NLGN4X: variants seen among roughly 807,000 people sequenced by gnomAD.
NLGN4X encodes neuroligin 4 X-linked, also known as neuroligin-4, X-linked.
A neutral mutation model predicts 40.3 loss-of-function variants in NLGN4X; 3 were observed. That is an observed-to-expected ratio of 0.07 (90% CI 0.03 to 0.19). NLGN4X has a LOEUF of 0.19. Among genes scored for constraint, NLGN4X ranks in the 10% least tolerant of loss-of-function variants. The probability of loss-of-function intolerance (pLI) is 1.00; values close to 1 mark genes in which losing one functional copy is unlikely to be tolerated. For synonymous variants in NLGN4X, 270 were observed against 306.8 expected (o/e 0.88, Z 1.25); for missense variants, 382 against 708.3 (o/e 0.54, Z 5.23).
At chrX:6,073,680 T>C (rs1466255852) in intron 2 of NLGN4X, among the ~76,000 whole-genome samples, 2 of 111,067 alleles carry the variant, frequency 1.8e-5, no homozygotes, top group Non-Finnish European at 3.8e-5. Flanking sequence ...TTAGATCATA[T>C]ATAAGATACT....
chrX:6,012,073 G>A (rs762516905), intron 3 of NLGN4X, among the ~76,000 whole-genome samples: 1 of 112,354 alleles, frequency 8.9e-6, no homozygotes, highest in South Asian at 3.7e-4. Flanking sequence ...CATGGCACAT[G>A]CCCAAATTGC....
chrX:5,988,802 C>T (rs1046837997), intron 3 of NLGN4X, among the ~76,000 whole-genome samples: 3 of 112,251 alleles, frequency 2.7e-5, no homozygotes, highest in African/African-American at 9.7e-5. Flanking sequence ...CATTGGCTCC[C>T]GCCTGTAATC....
At chrX:5,994,913 T>C (rs1245361513) in intron 3 of NLGN4X, among the ~76,000 whole-genome samples, 1 of 112,780 alleles carries the variant, frequency 8.9e-6, no homozygotes. Context: ...TGAAGGTGTA[T>C]TTACTTACAC....
chrX:6,209,900 G>C (rs1213651173), intron 1 of NLGN4X, among the ~76,000 whole-genome samples: 1 of 112,200 alleles, frequency 8.9e-6, no homozygotes, highest in Non-Finnish European at 1.9e-5. Context: ...ACCCAGGCTG[G>C]AGTGCAGTGG....
At position 5,902,678 on chromosome X, in the gene NLGN4X, T is replaced by TG. The variant is rs775136246; in HGVS notation, c.1601+398dup. Among the ~76,000 whole-genome samples the TG allele has an allele frequency of 4.5e-5, 5 of 111,900 alleles. No individual in the cohort carries two copies. In the South Asian group the frequency reaches 1.5e-3, roughly 34 times the overall value. ...CTGCACTCCAGTGTGGGCAACAGAG[T>TG]GAGACTGTGTCTCTAAAACAACAAG... On this transcript the variant is annotated intron_variant, in intron 5 of 5. Transcript: ENST00000381095.
chrX:6,222,259 T>C (rs919595173), intron 1 of NLGN4X, among the ~76,000 whole-genome samples: 4 of 111,043 alleles, frequency 3.6e-5, no homozygotes, highest in Non-Finnish European at 5.7e-5. Context: ...TGCCCACAGA[T>C]GTTAATAAAA....
intron 2 of NLGN4X, among the ~76,000 whole-genome samples, chrX:6,127,707 T>C (rs1450134587): frequency 8.9e-6 from 1 of 112,550 alleles, no homozygotes; most frequent in Non-Finnish European, 1.9e-5. Flanking sequence ...ATTTCATATA[T>C]AAAAATAAAC....
intron 1 of NLGN4X, among the ~76,000 whole-genome samples, chrX:6,156,919 AT>A (rs1411972680): frequency 9.0e-6 from 1 of 111,234 alleles, no homozygotes; most frequent in African/African-American, 3.3e-5. Flanking sequence ...GTAAAAAAAA[AT>A]GTTATTGGTA....
chrX:6,213,124 C>T (rs1231395803), intron 1 of NLGN4X, among the ~76,000 whole-genome samples: 3 of 106,640 alleles, frequency 2.8e-5, no homozygotes, highest in South Asian at 4.4e-4. Flanking sequence ...AAGTGACAAA[C>T]TCTCTGTCAG....
At chrX:6,223,384 C>T (rs1384448659) in intron 1 of NLGN4X, among the ~76,000 whole-genome samples, 4 of 111,464 alleles carry the variant, frequency 3.6e-5, no homozygotes, top group African/African-American at 1.3e-4. Context: ...CTTCCACTCC[C>T]GTAATGATTT....
intron 1 of NLGN4X, among the ~76,000 whole-genome samples, chrX:6,181,322 T>G (rs2147803326): frequency 9.0e-6 from 1 of 111,712 alleles, no homozygotes; most frequent in Admixed American, 9.5e-5. Flanking sequence ...ATACGTAGAT[T>G]TAAAAGTGAT....
intron 2 of NLGN4X, among the ~76,000 whole-genome samples, chrX:6,066,582 G>A (rs939295668): frequency 1.8e-5 from 2 of 108,559 alleles, no homozygotes; most frequent in Non-Finnish European, 3.8e-5. Context: ...TCAGGAGTTC[G>A]AGACCAGTCT....
At chrX:5,919,819 G>A (rs1318689767) in intron 3 of NLGN4X, among the ~76,000 whole-genome samples, 1 of 111,804 alleles carries the variant, frequency 8.9e-6, no homozygotes, top group East Asian at 2.8e-4. Context: ...AAGTGTTGAG[G>A]ACTGCTGCTC....
intron 2 of NLGN4X, among the ~76,000 whole-genome samples, chrX:6,125,669 G>C (rs5961403): frequency 0.43 from 46,919 of 109,970 alleles, 7,413 homozygotes; most frequent in Middle Eastern, 0.63. Flanking sequence ...AAGTAGTAAT[G>C]AAAGAATCAC....
At chrX:5,998,821 G>A (rs995292317) in intron 3 of NLGN4X, among the ~76,000 whole-genome samples, 3 of 112,606 alleles carry the variant, frequency 2.7e-5, no homozygotes, top group Non-Finnish European at 5.6e-5. Flanking sequence ...AAATTGATAC[G>A]GGGTGCATGT....
At chrX:6,029,889 C>G (rs1475129251) in intron 2 of NLGN4X, among the ~76,000 whole-genome samples, 2 of 111,105 alleles carry the variant, frequency 1.8e-5, no homozygotes, top group Admixed American at 1.9e-4. Context: ...GGTGAGTGTA[C>G]AGATTCATCT....
intron 3 of NLGN4X, among the ~76,000 whole-genome samples, chrX:5,974,117 C>T (rs2035105650): frequency 8.9e-6 from 1 of 111,804 alleles, no homozygotes; most frequent in African/African-American, 3.3e-5. Flanking sequence ...ATTCTCAAGC[C>T]ACAACAAAGA....
chrX:6,120,145 G>C (rs762453244), intron 2 of NLGN4X, among the ~76,000 whole-genome samples: 1 of 111,076 alleles, frequency 9.0e-6, no homozygotes, highest in East Asian at 2.9e-4. Context: ...ACTGCGCTCA[G>C]CCTGGGCAAT....
chrX:6,011,195 T>A (rs2036242915), intron 3 of NLGN4X, among the ~76,000 whole-genome samples: 1 of 110,697 alleles, frequency 9.0e-6, no homozygotes, highest in Non-Finnish European at 1.9e-5. Context: ...AAAGAAATGT[T>A]GGCACTATGA....
Sources: allele counts gnomAD v4.1 joint callset (sites outside exome capture counted in the v4.1 genomes callset), GRCh38; gene constraint gnomAD v4.1.1; transcripts MANE v1.5; gene names NCBI Gene and HGNC (gene_info 2026-07-23, HGNC 2026-07-21).